Variants in AGBL1 observed in about 807,000 individuals in gnomAD.
AGBL1 encodes the protein cytosolic carboxypeptidase 4.
A neutral mutation model predicts 118.9 loss-of-function variants in AGBL1; 130 were observed. The observed-to-expected ratio is 1.09, with a 90% confidence interval of 0.95 to 1.26. AGBL1 has a LOEUF of 1.26. AGBL1 is among the 50% of genes most tolerant of loss of function. The pLI, the probability that AGBL1 is intolerant of heterozygous loss-of-function variation, is 0.00. For missense variants in AGBL1, 1,584 were observed against 1,298.1 expected, an observed-to-expected ratio of 1.22 and a Z score of -3.38; for synonymous variants, 555 against 478.9, an observed-to-expected ratio of 1.16 and a Z score of -2.08.
chr15:86,353,962 C>G (rs532194346), intron 17 of AGBL1, among the ~76,000 whole-genome samples: 1 of 152,278 alleles, frequency 6.6e-6, no homozygotes, highest in East Asian at 1.9e-4. Flanking sequence ...ATGCATGGCT[C>G]AAGACACAGT....
At chr15:86,806,890 G>A (rs979920701) in intron 22 of AGBL1, among the ~76,000 whole-genome samples, 5 of 151,348 alleles carry the variant, frequency 3.3e-5, no homozygotes, top group Admixed American at 1.3e-4. Context: ...TATACAATAC[G>A]TGATATACCA....
At chr15:86,813,158 A>G (rs2078813958) in intron 22 of AGBL1, among the ~76,000 whole-genome samples, 2 of 151,686 alleles carry the variant, frequency 1.3e-5, no homozygotes, top group South Asian at 4.2e-4. Flanking sequence ...AACACATGGG[A>G]CCTTCAGGCT....
chr15:86,869,950 A>C (rs575452736), intron 22 of AGBL1, among the ~76,000 whole-genome samples: 1 of 152,146 alleles, frequency 6.6e-6, no homozygotes, highest in Non-Finnish European at 1.5e-5. Context: ...TGTCCAGCAG[A>C]GCTGCAAAAT....
chr15:86,336,045 A>C (rs942434150), intron 17 of AGBL1, among the ~76,000 whole-genome samples: 1 of 152,250 alleles, frequency 6.6e-6, no homozygotes, highest in Non-Finnish European at 1.5e-5. Flanking sequence ...GATGAGAGAA[A>C]GCATGAAGTT....
intron 16 of AGBL1, among the ~76,000 whole-genome samples, chr15:86,287,435 T>A (rs1318997773): frequency 6.6e-6 from 1 of 152,200 alleles, no homozygotes; most frequent in Non-Finnish European, 1.5e-5. Flanking sequence ...CCCAGACTAA[T>A]GTCATGAAGG....
At chr15:86,918,386 G>A (rs1401157703), downstream of AGBL1, among the ~76,000 whole-genome samples, 1 of 152,094 alleles carries the variant, frequency 6.6e-6, no homozygotes, top group Non-Finnish European at 1.5e-5. Flanking sequence ...CCTCGGAAAA[G>A]GAAATGTTCC....
rs1418701261 is a variant in AGBL1, at chr15:86,279,727, A to C, written c.2164A>C (p.Ser722Arg). 6.2e-7 allele frequency: 1 copy of C among 1,613,742 alleles called. No individual in the cohort carries two copies. Among genetic ancestry groups the C allele is most frequent in the Admixed American group, 1.7e-5 (1 of 59,992 alleles). ...TLTFAVTFPH[S>R]EDVCYLAYHY... ...CACCTTTGCTGTCACCTTCCCACAC[A>C]GTGAGGATGTCTGCTACCTGGCCTA... The change falls in exon 16 of 23, where the codon AGT (serine) becomes CGT (arginine). Residue 722 changes from serine to arginine, a missense_variant. Ser to Arg is a moderately radical substitution (Grantham distance 110). Transcript: ENST00000614907.
chr15:86,097,255 C>T (rs558570259), intron 1 of AGBL1, among the ~76,000 whole-genome samples: 11 of 152,234 alleles, frequency 7.2e-5, no homozygotes, highest in East Asian at 3.9e-4. Context: ...GAATGTGGAA[C>T]GAGCAAGTCA....
chr15:86,318,812 GT>G (rs1567196703), intron 17 of AGBL1, among the ~76,000 whole-genome samples: 1 of 146,648 alleles, frequency 6.8e-6, no homozygotes, highest in African/African-American at 2.5e-5. Flanking sequence ...GTAAAGGTCT[GT>G]TTGTGGTTTT....
At position 86,167,903 on chromosome 15, in the gene AGBL1, C is replaced by A. The variant is rs146047075; in HGVS notation, c.488+8877C>A. The stretch of plus-strand genomic sequence containing the variant: ...CTATGTGATCATTAGTCATCTTCAA[C>A]AAAGCTAATGAGAAAAATGAGTAGA... On this transcript the variant is annotated intron_variant, in intron 5 of 22. Coordinates refer to ENST00000614907, the MANE Select transcript of AGBL1 (RefSeq NM_001386094.1). 3.3e-5 allele frequency among the ~76,000 whole-genome samples: 5 copies of A among 152,248 alleles called. No homozygotes were observed. The East Asian group carries it at 5.8e-4, about 18-fold the overall frequency.
chr15:86,604,702 A>G (rs2084546420), intron 21 of AGBL1, among the ~76,000 whole-genome samples: 1 of 152,078 alleles, frequency 6.6e-6, no homozygotes, highest in Non-Finnish European at 1.5e-5. Flanking sequence ...AGGCAGGTGA[A>G]TGAGCCCAAT....
intron 18 of AGBL1, among the ~76,000 whole-genome samples, chr15:86,472,047 G>A (rs1317620300): frequency 6.6e-6 from 1 of 152,184 alleles, no homozygotes; most frequent in East Asian, 1.9e-4. Flanking sequence ...ATGCAGCCAT[G>A]AGCCAAGGAA....
chr15:86,338,372 G>C (rs1383114239), intron 17 of AGBL1, among the ~76,000 whole-genome samples: 1 of 152,112 alleles, frequency 6.6e-6, no homozygotes, highest in African/African-American at 2.4e-5. Context: ...AGGTGACGAG[G>C]GCAGTTTCTG....
chr15:86,211,060 C>G (rs1260835033), intron 5 of AGBL1, among the ~76,000 whole-genome samples: 30 of 152,176 alleles, frequency 2.0e-4, no homozygotes, highest in Admixed American at 2.0e-3. Flanking sequence ...AGTTTTCCTT[C>G]TAAGAGTCAG....
chr15:86,318,059 A>G (rs2080043579), intron 17 of AGBL1, among the ~76,000 whole-genome samples: 1 of 152,218 alleles, frequency 6.6e-6, no homozygotes, highest in African/African-American at 2.4e-5. Context: ...TTCATGAAAT[A>G]TTCTGGGCAT....
intron 22 of AGBL1, among the ~76,000 whole-genome samples, chr15:86,816,354 C>A (rs750489557): frequency 6.6e-6 from 1 of 152,144 alleles, no homozygotes; most frequent in Admixed American, 6.5e-5. Context: ...GGCCTGGAGG[C>A]CAAGAAAAGA....
At chr15:86,569,875 C>G (rs1185724898) in intron 21 of AGBL1, among the ~76,000 whole-genome samples, 2 of 152,066 alleles carry the variant, frequency 1.3e-5, no homozygotes, top group African/African-American at 2.4e-5. Context: ...CTATGAGCCT[C>G]AAAAGACCTA....
At chr15:86,874,075 G>A (rs569370003) in intron 22 of AGBL1, among the ~76,000 whole-genome samples, 60 of 152,214 alleles carry the variant, frequency 3.9e-4, no homozygotes, top group African/African-American at 1.4e-3. Context: ...CATATGAGGT[G>A]AGGGTCAAGT....
intron 5 of AGBL1, among the ~76,000 whole-genome samples, chr15:86,184,635 T>C (rs1017857856): frequency 1.3e-5 from 2 of 152,164 alleles, no homozygotes; most frequent in African/African-American, 4.8e-5. Flanking sequence ...TCTTTTCACA[T>C]AGTCCCATAT....
Sources: gnomAD v4.1 joint callset for allele counts (sites outside exome capture counted in the v4.1 genomes callset) on GRCh38, gnomAD v4.1.1 for gene constraint, MANE v1.5 for transcripts, NCBI Gene and HGNC (gene_info 2026-07-23, HGNC 2026-07-21) for gene names.